CACNA1G: variants seen among roughly 807,000 people sequenced by gnomAD.
CACNA1G encodes calcium voltage-gated channel subunit alpha1 G.
Under a neutral mutation model 219.4 loss-of-function variants are expected in CACNA1G, and 67 were observed. The observed-to-expected ratio is 0.31, with a 90% CI of 0.25 to 0.37. The LOEUF is 0.37. Ranked by LOEUF, CACNA1G falls within the 10% of genes least tolerant of loss-of-function variation. CACNA1G has a pLI of 1.00. For missense variants in CACNA1G, 2,380 were observed against 3,231.4 expected (o/e 0.74, Z 6.39); for synonymous variants, 1,296 against 1,345.3 (o/e 0.96, Z 0.80).
At chr17:50,624,296 C>T (rs750333692) in intron 36 of CACNA1G, 64 bp from the exon 37 acceptor site, 129 of 1,408,532 alleles carry the variant, frequency 9.2e-5, no homozygotes, top group Non-Finnish European at 1.1e-4. Flanking sequence ...TGAGAACCTG[C>T]TCCCCTGAAC....
Position 50,596,455 on chromosome 17 carries a change from C to A in CACNA1G, c.2980-107C>A, listed in dbSNP as rs2045564539. ...ATGTCTCGTGCCGTGGTTGCTGGTTCCTGTGGCCTATATGTGGTGTGCGTG... is the reference window on the plus strand; with the variant it reads ...ATGTCTCGTGCCGTGGTTGCTGGTTACTGTGGCCTATATGTGGTGTGCGTG... On this transcript the variant is annotated intron_variant, in intron 14 of 37. Coordinates refer to ENST00000359106, the MANE Select transcript of CACNA1G (RefSeq NM_018896.5). The surrounding 1 kb of genome is among the most constrained non-coding windows in gnomAD (Gnocchi z 4.8). 5 of 883,056 alleles carry A rather than the reference C, an allele frequency of 5.7e-6. No individual in the cohort carries two copies. Among genetic ancestry groups the A allele is most frequent in the Non-Finnish European group, 9.3e-6 (5 of 538,250 alleles). 54.7% of individuals were successfully genotyped at this position (883,056 alleles called of 1,614,324 possible). A position where few individuals can be genotyped will look rare whatever the true frequency, so the allele number is the denominator to read the frequency against.
intron 13 of CACNA1G, 94 bp downstream of exon 13, chr17:50,592,186 TGG>T: frequency 8.1e-6 from 11 of 1,360,412 alleles, no homozygotes; most frequent in Non-Finnish European, 1.1e-5. Context: ...TTGCCAACTT[TGG>T]GGGCCTGGGA....
intron 9 of CACNA1G, among the ~76,000 whole-genome samples, chr17:50,589,250 C>T (rs944729594): frequency 7.2e-5 from 11 of 152,118 alleles, no homozygotes; most frequent in Admixed American, 3.9e-4. Context: ...CCCCCCACCC[C>T]GTGCCACACC....
Position 50,621,128 on chromosome 17 carries a change from C to T in CACNA1G, c.5926-532C>T, listed in dbSNP as rs1057258758. ...GGAGAAGCCAGAATCTGGGGGCAGGCCAAGTCCTGCCAGGCTGTTGGAAGC... is the reference window on the plus strand; with the variant it reads ...GGAGAAGCCAGAATCTGGGGGCAGGTCAAGTCCTGCCAGGCTGTTGGAAGC... On this transcript the variant is annotated intron_variant, in intron 34 of 37. Coordinates refer to ENST00000359106, the MANE Select transcript of CACNA1G (RefSeq NM_018896.5). The surrounding 1 kb of genome is among the most constrained non-coding windows in gnomAD (Gnocchi z 4.6). Among the ~76,000 whole-genome samples the T allele has an allele frequency of 1.3e-5, 2 of 152,222 alleles. No individual in the cohort carries two copies. Among genetic ancestry groups the T allele is most frequent in the Admixed American group, 1.3e-4 (2 of 15,292 alleles).
chr17:50,626,514 G>A lies in CACNA1G; in HGVS notation c.6897G>A (p.Gly2299=), dbSNP rs1420492795. The A allele has an allele frequency of 1.3e-6, 2 of 1,575,210 alleles. No individual in the cohort carries two copies. Among genetic ancestry groups the A allele is most frequent in the East Asian group, 2.3e-5 (1 of 43,676 alleles). Residue 2299 remains glycine (G), a synonymous_variant, in exon 38 of 38, where the codon GGG becomes GGA. Coordinates refer to ENST00000359106, the MANE Select transcript of CACNA1G (RefSeq NM_018896.5). This position sits in a 1 kb window ranked among gnomAD's most constrained non-coding sequence, Gnocchi z 4.3. ...NLGGQPLGGP[G]SRPKKKLSPP... ...GGGGCCAGCCTCTTGGGGGGCCTGGGAGCCGGCCCAAGAAAAAACTCAGCC... is the reference window on the plus strand; with the variant it reads ...GGGGCCAGCCTCTTGGGGGGCCTGGAAGCCGGCCCAAGAAAAAACTCAGCC...
chr17:50,591,296 G>T (rs1473685299), intron 10 of CACNA1G, 139 bp from the exon 11 acceptor site: 3 of 797,844 alleles, frequency 3.8e-6, no homozygotes, highest in Non-Finnish European at 3.8e-6. Context: ...CTGCTTAGAG[G>T]TCTGGGGGCC....
chr17:50,580,935 G>A (rs761047466), intron 9 of CACNA1G, among the ~76,000 whole-genome samples: 7 of 152,098 alleles, frequency 4.6e-5, no homozygotes, highest in South Asian at 4.1e-4. Context: ...GGCTGGGAGT[G>A]GGGGGTTGCC....
In CACNA1G at chr17:50,626,409, G is replaced by A. The variant is rs781152093; in HGVS notation, c.6792G>A (p.Glu2264=). ...GCCGGCCTACGTCCTGGCTGGATGA[G>A]CAGAGGAGACACTCTATCGCCGTCA... ...CQRRPTSWLD[E]QRRHSIAVSC... Residue 2264 remains glutamate (E), a synonymous_variant, in exon 38 of 38, where the codon GAG becomes GAA. Coordinates refer to ENST00000359106, the MANE Select transcript of CACNA1G (RefSeq NM_018896.5). The surrounding 1 kb of genome is among the most constrained non-coding windows in gnomAD (Gnocchi z 4.3). The A allele has an allele frequency of 1.9e-6, 3 of 1,611,024 alleles. No homozygotes were observed. The highest frequency in any genetic ancestry group is 1.7e-6 in the Non-Finnish European group (2 of 1,179,076).
In CACNA1G at chr17:50,596,939, G is replaced by C. The variant is rs1278719543; in HGVS notation, c.3258+16G>C. ...GAAGTCACCGGTAGGGGGTGCATGT[G>C]GGTACCCTGATGGTGGGAGATATTC... On this transcript the variant is annotated intron_variant, in intron 16 of 37. Coordinates refer to ENST00000359106, the MANE Select transcript of CACNA1G (RefSeq NM_018896.5). This position sits in a 1 kb window ranked among gnomAD's most constrained non-coding sequence, Gnocchi z 4.8. 1 of 1,520,618 alleles carries C rather than the reference G, an allele frequency of 6.6e-7. No individual in the cohort carries two copies. Among genetic ancestry groups the C allele is most frequent in the Non-Finnish European group, 8.8e-7 (1 of 1,131,966 alleles). The allele number at this position is 1,520,618 out of a possible 1,614,324, so 94.2% of individuals were successfully genotyped here.
intron 4 of CACNA1G, among the ~76,000 whole-genome samples, chr17:50,570,727 A>G (rs1359586315): frequency 6.6e-6 from 1 of 152,060 alleles, no homozygotes; most frequent in Non-Finnish European, 1.5e-5. Flanking sequence ...TGGCAGATTT[A>G]TAGGCCTCTG....
intron 25 of CACNA1G, 34 bp from the exon 26 acceptor site, chr17:50,609,848 G>A (rs756306577): frequency 3.8e-5 from 61 of 1,604,590 alleles, no homozygotes; most frequent in Non-Finnish European, 4.3e-5. Context: ...CACCTGGTCC[G>A]GCCAGTGACC....
Position 50,569,300 on chromosome 17 carries a change from T to A in CACNA1G, c.488+2T>A. 1 of 1,613,150 alleles carries A rather than the reference T, an allele frequency of 6.2e-7. No individual in the cohort carries two copies. The highest frequency in any genetic ancestry group is 8.5e-7 in the Non-Finnish European group (1 of 1,179,744). On this transcript the variant is annotated splice_donor_variant, in intron 3 of 37. Coordinates refer to ENST00000359106, the MANE Select transcript of CACNA1G (RefSeq NM_018896.5). LOFTEE classifies it high-confidence loss of function. ...TGACTTTTTCATCGTCATCGCAGGG[T>A]GAGGACCTGGGCTGGGGTGGGAGAG... is the stretch of plus-strand genomic sequence containing the variant.
rs1468956826 is a variant in CACNA1G, at chr17:50,572,597, G to A, written c.790G>A (p.Glu264Lys). 2 of 1,586,020 alleles carry A rather than the reference G, an allele frequency of 1.3e-6. No individual in the cohort carries two copies. The highest frequency in any genetic ancestry group is 1.7e-6 in the Non-Finnish European group (2 of 1,166,280). ...GGAGCGCTATTACCAGACAGAGAAC[G>A]AGGATGAGAGCCCCTTCATCTGCTC... ...DLERYYQTEN[E>K]DESPFICSQP... Residue 264 changes from glutamate (E) to lysine (K), a missense_variant, in exon 6 of 38, where the codon GAG becomes AAG. By Grantham distance (56) the Glu-to-Lys change is moderately conservative. Around this residue, in one of 17 missense-constraint regions of CACNA1G, gnomAD observed 68 missense variants for 85.3 expected, o/e 0.80. Transcript: ENST00000359106.
intron 10 of CACNA1G, 39 bp downstream of exon 10, chr17:50,590,661 T>G (rs779852383): frequency 3.4e-6 from 2 of 584,550 alleles, no homozygotes; most frequent in Non-Finnish European, 2.1e-6. Flanking sequence ...AGTTGAGGAA[T>G]GGTAGCAGGG....
Position 50,573,099 on chromosome 17 carries a change from A to G in CACNA1G, c.1126A>G (p.Ile376Val), listed in dbSNP as rs944581365. Residue 376 changes from isoleucine (I) to valine (V), a missense_variant, in exon 7 of 38, where the codon ATC becomes GTC. Coordinates refer to ENST00000359106, the MANE Select transcript of CACNA1G (RefSeq NM_018896.5). ...TTCCTTCTACAATTTCATCTACTTCATCCTCCTCATCATCGTGAGTGACTC... is the reference window on the plus strand; with the variant it reads ...TTCCTTCTACAATTTCATCTACTTCGTCCTCCTCATCATCGTGAGTGACTC... ...AHSFYNFIYF[I>V]LLIIVGSFFM... 6.4e-6 allele frequency: 10 copies of G among 1,568,918 alleles called. No homozygotes were observed. The highest frequency in any genetic ancestry group is 8.7e-6 in the Non-Finnish European group (10 of 1,155,626).
Position 50,578,585 on chromosome 17 carries a change from A to G in CACNA1G, c.2301+21A>G. 3.3e-6 allele frequency: 5 copies of G among 1,525,948 alleles called. No individual in the cohort carries two copies. Among genetic ancestry groups the G allele is most frequent in the Non-Finnish European group, 4.4e-6 (5 of 1,135,938 alleles). 94.5% of individuals were successfully genotyped at this position (1,525,948 alleles called of 1,614,324 possible). On this transcript the variant is annotated intron_variant, in intron 9 of 37. Transcript: ENST00000359106. This position sits in a 1 kb window ranked among gnomAD's most constrained non-coding sequence, Gnocchi z 4.5. ...AGCAGGTAGGAGAGTGGGCAGAGGC[A>G]GGGCTCCTGCCAGCTGCTTTTCGCC...
chr17:50,584,032 C>T (rs542907049), intron 9 of CACNA1G, among the ~76,000 whole-genome samples: 94 of 152,234 alleles, frequency 6.2e-4, no homozygotes, highest in African/African-American at 2.1e-3. Context: ...GGCAAGAATC[C>T]TAGATAACCC....
chr17:50,597,652 T>G lies in CACNA1G; in HGVS notation c.3258+729T>G, dbSNP rs575294791. ...TTTGTGGCATGAACATTTAAAAATC[T>G]ACTCTTAGCAATTTTGAAATAAATA... On this transcript the variant is annotated intron_variant, in intron 16 of 37. Coordinates refer to ENST00000359106, the MANE Select transcript of CACNA1G (RefSeq NM_018896.5). Among the ~76,000 whole-genome samples the G allele has an allele frequency of 2.6e-5, 4 of 152,374 alleles. No individual in the cohort carries two copies. The South Asian group carries it at 8.3e-4, about 32-fold the overall frequency.
intron 1 of CACNA1G, among the ~76,000 whole-genome samples, chr17:50,565,888 T>C (rs1333167994): frequency 6.6e-6 from 1 of 152,200 alleles, no homozygotes; most frequent in Non-Finnish European, 1.5e-5. Context: ...TTTTCTCTGC[T>C]TTTGATGGTG....
Sources: gnomAD v4.1 joint callset for allele counts (sites outside exome capture counted in the v4.1 genomes callset) on GRCh38, gnomAD v4.1.1 for gene constraint, gnomAD v4.1.1 regional missense constraint, Gnocchi (gnomAD v3.1) non-coding constraint, MANE v1.5 for transcripts, NCBI Gene and HGNC (gene_info 2026-07-23, HGNC 2026-07-21) for gene names.